Variants in TRIM15 observed in about 807,000 individuals in gnomAD.
The protein encoded by TRIM15 is tripartite motif containing 15.
Under a neutral mutation model 35.8 loss-of-function variants are expected in TRIM15, and 35 were observed. That is an observed-to-expected ratio of 0.98 (90% CI 0.75 to 1.30). TRIM15 has a LOEUF of 1.30. TRIM15 is among the 50% of genes most tolerant of loss of function. TRIM15 has a pLI of 0.00. For synonymous variants in TRIM15, 252 were observed against 249.8 expected, an observed-to-expected ratio of 1.01 and a Z score of -0.08; for missense variants, 590 against 593.5, an observed-to-expected ratio of 0.99 and a Z score of 0.06.
chr6:30,170,479 T>G (rs552773567), intron 4 of TRIM15, 22 bp from the exon 5 acceptor site: 1 of 1,574,984 alleles, frequency 6.3e-7, no homozygotes, highest in South Asian at 1.1e-5. Context: ...TGGACCTAAC[T>G]GGTTACCAAA....
intron 4 of TRIM15, chr6:30,169,827 T>C (rs1168029901): frequency 3.5e-6 from 1 of 282,162 alleles, no homozygotes; most frequent in African/African-American, 2.3e-5. Flanking sequence ...TGAAGAGAGG[T>C]GTAGTGACTA....
Position 30,163,661 on chromosome 6 carries a change from G to T in TRIM15, c.-24G>T. On this transcript the variant is annotated 5_prime_UTR_variant, in exon 1 of 7. Coordinates refer to ENST00000376694, the MANE Select transcript of TRIM15 (RefSeq NM_033229.3). Reference sequence around the variant, plus strand: ...TCGCGTGGGCTGAGGAGACCGGAGTGGACGGGCTGGGGAAGGCACCGTGAT... The same window carrying T: ...TCGCGTGGGCTGAGGAGACCGGAGTTGACGGGCTGGGGAAGGCACCGTGAT... The T allele has an allele frequency of 1.9e-6, 3 of 1,582,742 alleles. No individual in the cohort carries two copies. Among genetic ancestry groups the T allele is most frequent in the Non-Finnish European group, 2.6e-6 (3 of 1,163,014 alleles).
At chr6:30,170,286 A>T (rs1242338482) in intron 4 of TRIM15, 2 of 536,180 alleles carry the variant, frequency 3.7e-6, no homozygotes, top group Non-Finnish European at 6.6e-6. Flanking sequence ...CCAATTCTTG[A>T]GAAGTGATTA....
rs1443249210 is a variant in TRIM15 at position 30,168,535 on chromosome 6, G to T, written c.708+5G>T. On this transcript the variant is annotated splice_donor_5th_base_variant and intron_variant, in intron 3 of 6. Transcript: ENST00000376694. Reference sequence around the variant, plus strand: ...CCAGCAAGTGAGCTTCTACAAGTGAGAGACACTTCACCACTTTGTAGGATA... The same window carrying T: ...CCAGCAAGTGAGCTTCTACAAGTGATAGACACTTCACCACTTTGTAGGATA... The T allele has an allele frequency of 1.3e-6, 2 of 1,577,480 alleles. No individual in the cohort carries two copies. Among genetic ancestry groups the T allele is most frequent in the Non-Finnish European group, 1.7e-6 (2 of 1,160,508 alleles).
chr6:30,169,291 C>T, intron 4 of TRIM15, 28 bp downstream of exon 4: 5 of 1,613,016 alleles, frequency 3.1e-6, no homozygotes, highest in Non-Finnish European at 4.2e-6. Flanking sequence ...GTCCTGCCTC[C>T]TTTTACTCAA....
chr6:30,169,261 C>A lies in TRIM15; in HGVS notation c.729C>A (p.Ser243Arg), dbSNP rs141139052. Residue 243 changes from serine to arginine, a missense_variant and splice_region_variant, in exon 4 of 7, where the codon AGC becomes AGA. Physicochemically the swap from Ser to Arg is moderately radical, Grantham distance 110. Transcript: ENST00000376694. ...TGCAGGATGTCAGAGTCAACCAGAG[C>A]AGGTAGGGCCCACTCCCCGGTCCTG... ...ELLQDVRVNQ[S>R]RCEMKTFVSP... is the part of the protein sequence containing the mutation. The A allele has an allele frequency of 1.9e-6, 3 of 1,613,136 alleles. No individual in the cohort carries two copies. Among genetic ancestry groups the A allele is most frequent in the East Asian group, 2.2e-5 (1 of 44,888 alleles).
Position 30,163,682 on chromosome 6 carries a change from G to C in TRIM15, c.-3G>C. 1.3e-6 allele frequency: 2 copies of C among 1,598,878 alleles called. No homozygotes were observed. Among genetic ancestry groups the C allele is most frequent in the Non-Finnish European group, 1.7e-6 (2 of 1,171,446 alleles). ...GAGTGGACGGGCTGGGGAAGGCACC[G>C]TGATGCCCGCAACCCCGTCCCTGAA... On this transcript the variant is annotated 5_prime_UTR_variant, in exon 1 of 7. Transcript: ENST00000376694.
In TRIM15 at chr6:30,168,379, T is replaced by C. The variant is rs913158258; in HGVS notation, c.557T>C (p.Leu186Pro). The change falls in exon 3 of 7, where the codon CTC (leucine) becomes CCC (proline). Residue 186 changes from leucine (L) to proline (P), a missense_variant. Coordinates refer to ENST00000376694, the MANE Select transcript of TRIM15 (RefSeq NM_033229.3). ...CAGGAGCTGGAGCAGCAGCGATGTCTCCTGCTGGCCAGGCTGAGGGAGCTG... is the reference window on the plus strand; with the variant it reads ...CAGGAGCTGGAGCAGCAGCGATGTCCCCTGCTGGCCAGGCTGAGGGAGCTG... ...LQQELEQQRC[L>P]LLARLRELEQ... The C allele has an allele frequency of 1.9e-6, 3 of 1,612,822 alleles. No individual in the cohort carries two copies. Among genetic ancestry groups the C allele is most frequent in the Non-Finnish European group, 2.5e-6 (3 of 1,180,022 alleles).
chr6:30,172,019 G>A lies in TRIM15; in HGVS notation c.1068G>A (p.Gln356=). ...GCCACCGCTGGCAGGTTGACCTGCA[G>A]CTGGGCGACGGCGGCGGCTGCACGG... ...SGRHRWQVDL[Q]LGDGGGCTVG... Residue 356 remains glutamine (Q), a synonymous_variant, in exon 7 of 7, where the codon CAG becomes CAA. Transcript: ENST00000376694. 1 of 1,574,808 alleles carries A rather than the reference G, an allele frequency of 6.3e-7. No homozygotes were observed. Among genetic ancestry groups the A allele is most frequent in the South Asian group, 1.2e-5 (1 of 86,646 alleles).
intron 2 of TRIM15, 110 bp from the exon 3 acceptor site, chr6:30,168,190 T>C (rs1463449798): frequency 3.3e-6 from 3 of 922,062 alleles, no homozygotes; most frequent in Non-Finnish European, 4.8e-6. Flanking sequence ...GAATGAGTCT[T>C]GGACCAGTTG....
chr6:30,170,454 T>G, intron 4 of TRIM15, 47 bp from the exon 5 acceptor site: 1 of 1,347,866 alleles, frequency 7.4e-7, no homozygotes, highest in Non-Finnish European at 1.1e-6. Context: ...CACCCGAACA[T>G]TTGTTTTTGG....
intron 6 of TRIM15, 116 bp from the exon 7 acceptor site, chr6:30,171,716 G>A (rs1774025864): frequency 1.5e-6 from 2 of 1,339,898 alleles, no homozygotes; most frequent in African/African-American, 3.0e-5. Flanking sequence ...CAGAGAAGTG[G>A]CCCAATGGCA....
chr6:30,166,207 G>T (rs1773584248), intron 1 of TRIM15, among the ~76,000 whole-genome samples: 1 of 152,078 alleles, frequency 6.6e-6, no homozygotes, highest in African/African-American at 2.4e-5. Context: ...GTATTGCCTA[G>T]GTTTTCTTCT....
intron 4 of TRIM15, 127 bp downstream of exon 4, chr6:30,169,390 A>C: frequency 2.0e-6 from 2 of 997,810 alleles, no homozygotes; most frequent in South Asian, 1.3e-5. Context: ...ACACTGTCTC[A>C]TTCAACTGTG....
rs759511241 is a variant in TRIM15, at chr6:30,172,579, G to A, written c.*230G>A. 1 of 742,486 alleles carries A rather than the reference G, an allele frequency of 1.3e-6. No homozygotes were observed. Among genetic ancestry groups the A allele is most frequent in the South Asian group, 1.5e-5 (1 of 66,962 alleles). The allele number at this position is 742,486 out of a possible 1,614,324, so 46.0% of individuals were successfully genotyped here. On this transcript the variant is annotated 3_prime_UTR_variant, in exon 7 of 7. Coordinates refer to ENST00000376694, the MANE Select transcript of TRIM15 (RefSeq NM_033229.3). ...GGCCTTCTCTGTACCTCAGAGTGCA[G>A]AACCACAGACGGCTTCGGCTGTGCC...
Position 30,172,689 on chromosome 6 carries a change from C to A in TRIM15, c.*340C>A. On this transcript the variant is annotated 3_prime_UTR_variant, in exon 7 of 7. Coordinates refer to ENST00000376694, the MANE Select transcript of TRIM15 (RefSeq NM_033229.3). ...CTAAAATAAAATGTTTAAACTGTTT[C>A]AAAATAATTATCTTGGGAAAAATCA... 1 of 496,508 alleles carries A rather than the reference C, an allele frequency of 2.0e-6. No individual in the cohort carries two copies. Among genetic ancestry groups the A allele is most frequent in the Non-Finnish European group, 3.8e-6 (1 of 265,480 alleles). The allele number at this position is 496,508 out of a possible 1,614,324, so 30.8% of individuals were successfully genotyped here.
intron 1 of TRIM15, 95 bp downstream of exon 1, chr6:30,164,160 C>G: frequency 6.7e-7 from 1 of 1,496,896 alleles, no homozygotes; most frequent in Non-Finnish European, 8.9e-7. Context: ...TGAAAGGCTT[C>G]CACATCAGGG....
chr6:30,171,089 G>A (rs1444398367), intron 6 of TRIM15, 81 bp downstream of exon 6: 3 of 1,468,218 alleles, frequency 2.0e-6, no homozygotes, highest in Non-Finnish European at 2.8e-6. Flanking sequence ...TAAAATGCAT[G>A]AATTCTGGAG....
At chr6:30,171,136 G>T (rs923640637) in intron 6 of TRIM15, 128 bp downstream of exon 6, 2 of 1,059,566 alleles carry the variant, frequency 1.9e-6, no homozygotes, top group African/African-American at 1.6e-5. Flanking sequence ...GTTCTTGCTA[G>T]CTCTGAGACA....
Sources: allele counts gnomAD v4.1 joint callset (sites outside exome capture counted in the v4.1 genomes callset), GRCh38; gene constraint gnomAD v4.1.1; transcripts MANE v1.5; gene names NCBI Gene and HGNC (gene_info 2026-07-23, HGNC 2026-07-21).